Variants in BAIAP2L1 observed in about 807,000 individuals in gnomAD.
The protein encoded by BAIAP2L1 is BAR/IMD domain-containing adapter protein 2-like 1.
Under a neutral mutation model 66.3 loss-of-function variants are expected in BAIAP2L1, and 35 were observed. The observed-to-expected ratio is 0.53, with a 90% CI of 0.40 to 0.70. The LOEUF is 0.70. Ranked by LOEUF, BAIAP2L1 falls within the 30% of genes least tolerant of loss-of-function variation. The pLI is 0.00. For missense variants in BAIAP2L1, 622 were observed against 656.9 expected (o/e 0.95, Z 0.58); for synonymous variants, 269 against 248.7 (o/e 1.08, Z -0.77).
intron 6 of BAIAP2L1, among the ~76,000 whole-genome samples, chr7:98,315,839 T>A (rs909261874): frequency 6.6e-6 from 1 of 152,194 alleles, no homozygotes; most frequent in Non-Finnish European, 1.5e-5. Flanking sequence ...GGGCTTGACA[T>A]TCCCACGGGG....
At chr7:98,308,491 G>A (rs1800749405) in intron 9 of BAIAP2L1, 1 of 363,766 alleles carries the variant, frequency 2.7e-6, no homozygotes, top group Non-Finnish European at 5.4e-6. Flanking sequence ...CAGGAGGAAG[G>A]TGCTGCTATT....
intron 1 of BAIAP2L1, among the ~76,000 whole-genome samples, chr7:98,376,480 C>T (rs759870837): frequency 6.6e-5 from 10 of 151,822 alleles, no homozygotes; most frequent in Non-Finnish European, 1.2e-4. Flanking sequence ...AACCATACTC[C>T]AACCTGAGCA....
intron 1 of BAIAP2L1, among the ~76,000 whole-genome samples, chr7:98,387,847 GAC>G (rs1422876501): frequency 1.3e-5 from 2 of 151,822 alleles, no homozygotes; most frequent in African/African-American, 4.8e-5. Flanking sequence ...CAGCCTGGGC[GAC>G]AGAGTTAAGA....
At chr7:98,398,012 TCTA>T (rs1482181121) in intron 1 of BAIAP2L1, among the ~76,000 whole-genome samples, 8 of 152,340 alleles carry the variant, frequency 5.3e-5, no homozygotes, top group African/African-American at 1.7e-4. Flanking sequence ...AGAGGATCAT[TCTA>T]CTTTATAATT....
intron 3 of BAIAP2L1, among the ~76,000 whole-genome samples, chr7:98,337,662 A>T (rs1449358109): frequency 6.6e-6 from 1 of 152,050 alleles, no homozygotes; most frequent in Non-Finnish European, 1.5e-5. Flanking sequence ...TCACGCCTGT[A>T]ATCCCAGCAC....
chr7:98,333,185 G>A (rs1333280485), intron 3 of BAIAP2L1, among the ~76,000 whole-genome samples: 2 of 152,132 alleles, frequency 1.3e-5, no homozygotes, highest in African/African-American at 4.8e-5. Context: ...CTGGATATTA[G>A]ACTTGTTTAT....
chr7:98,306,115 C>CG (rs1190134598), intron 11 of BAIAP2L1, among the ~76,000 whole-genome samples: 1 of 152,036 alleles, frequency 6.6e-6, no homozygotes, highest in Non-Finnish European at 1.5e-5. Flanking sequence ...AAGATAAGAA[C>CG]GGTAAGATAA....
intron 3 of BAIAP2L1, among the ~76,000 whole-genome samples, chr7:98,320,738 G>A (rs1018437628): frequency 1.3e-5 from 2 of 152,208 alleles, no homozygotes; most frequent in African/African-American, 4.8e-5. Context: ...AGACACATCA[G>A]GAGCACAACA....
At chr7:98,335,411 C>G (rs1562977415) in intron 3 of BAIAP2L1, among the ~76,000 whole-genome samples, 1 of 152,086 alleles carries the variant, frequency 6.6e-6, no homozygotes, top group Non-Finnish European at 1.5e-5. Context: ...TCTAGCATTC[C>G]ATCCTGTATT....
intron 12 of BAIAP2L1, among the ~76,000 whole-genome samples, chr7:98,301,475 G>GTA (rs60741017): frequency 0.069 from 9,826 of 142,198 alleles, 509 homozygotes; most frequent in East Asian, 0.3. Context: ...TTTTTTTTTG[G>GTA]TATATATATA....
At chr7:98,306,868 A>G in intron 10 of BAIAP2L1, 1 of 246,936 alleles carries the variant, frequency 4.0e-6, no homozygotes, top group South Asian at 5.9e-5. Flanking sequence ...CACCATGCCT[A>G]GCTAAAAAGC....
In BAIAP2L1 at chr7:98,348,635, TGAG is replaced by T. The variant is rs1801931036; in HGVS notation, c.214+6404_214+6406del. Among the ~76,000 whole-genome samples the T allele has an allele frequency of 2.0e-5, 3 of 151,984 alleles. No individual in the cohort carries two copies. In the South Asian group the frequency reaches 6.2e-4, roughly 32 times the overall value. ...ATATATTCTTTTATTACTTACTTTA[TGAG>T]AAGAATGTCAATGAAGAAAATTGTC... On this transcript the variant is annotated intron_variant, in intron 3 of 13. Transcript: ENST00000005260.
intron 3 of BAIAP2L1, among the ~76,000 whole-genome samples, chr7:98,339,312 T>G (rs182102008): frequency 6.6e-6 from 1 of 152,202 alleles, no homozygotes; most frequent in African/African-American, 2.4e-5. Context: ...GGCCACTCTA[T>G]TGGGTGTGCT....
At position 98,293,440 on chromosome 7, in the gene BAIAP2L1, G is replaced by A. The variant is rs915270650; in HGVS notation, c.*81C>T. On this transcript the variant is annotated 3_prime_UTR_variant, in exon 14 of 14. Transcript: ENST00000005260. ...GCCTCTCCACTGAAGCTTCCCGACC[G>A]TCAGCACGTGGCAGACAGGATGCGC... The A allele has an allele frequency of 1.8e-5, 24 of 1,337,180 alleles. No homozygotes were observed. The highest frequency in any genetic ancestry group is 1.6e-4 in the East Asian group (7 of 43,360). 82.8% of individuals were successfully genotyped at this position (1,337,180 alleles called of 1,614,324 possible).
At chr7:98,385,764 CTTTA>C (rs1802875628) in intron 1 of BAIAP2L1, 1 of 1,369,980 alleles carries the variant, frequency 7.3e-7, no homozygotes, top group Non-Finnish European at 1.0e-6. Context: ...AAATAGCACT[CTTTA>C]TTTGCCACTA....
chr7:98,333,895 C>A (rs1324186103), intron 3 of BAIAP2L1, among the ~76,000 whole-genome samples: 2 of 152,006 alleles, frequency 1.3e-5, no homozygotes, highest in African/African-American at 4.8e-5. Context: ...AAAAGCGGTG[C>A]ACAAAGTCTA....
At chr7:98,351,506 G>C (rs900943041) in intron 3 of BAIAP2L1, among the ~76,000 whole-genome samples, 1 of 152,172 alleles carries the variant, frequency 6.6e-6, no homozygotes, top group African/African-American at 2.4e-5. Flanking sequence ...GTGTGCTGGA[G>C]CTTTGGGGCA....
At chr7:98,351,466 T>C (rs1801999617) in intron 3 of BAIAP2L1, among the ~76,000 whole-genome samples, 1 of 152,034 alleles carries the variant, frequency 6.6e-6, no homozygotes, top group Admixed American at 6.6e-5. Flanking sequence ...GGGAGTGTGA[T>C]CTAAATTGGG....
chr7:98,363,027 CTTTTTTTTT>C (rs71537235), intron 1 of BAIAP2L1, among the ~76,000 whole-genome samples: 11 of 75,608 alleles, frequency 1.5e-4, no homozygotes, highest in East Asian at 8.3e-4. Context: ...GGCATTTTTT[CTTTTTTTTT>C]TTTTTTTTTT....
Sources: gnomAD v4.1 joint callset for allele counts (sites outside exome capture counted in the v4.1 genomes callset) on GRCh38, gnomAD v4.1.1 for gene constraint, MANE v1.5 for transcripts, NCBI Gene and HGNC (gene_info 2026-07-23, HGNC 2026-07-21) for gene names.